The following RERE variants were observed in gnomAD, a reference collection of about 807,000 sequenced individuals.
The protein encoded by RERE is arginine-glutamic acid dipeptide repeats protein.
Under a neutral mutation model 146.1 loss-of-function variants are expected in RERE, and 40 were observed. That is an observed-to-expected ratio of 0.27 (90% CI 0.21 to 0.36). The LOEUF (loss-of-function observed/expected upper bound fraction) is 0.36, where lower values mean the gene tolerates loss of function less well. Among genes scored for constraint, RERE ranks in the 10% least tolerant of loss-of-function variants. The pLI is 1.00. For synonymous variants in RERE, 1,003 were observed against 866.0 expected, an observed-to-expected ratio of 1.16 and a Z score of -2.78; for missense variants, 1,933 against 2,138.7, an observed-to-expected ratio of 0.90 and a Z score of 1.90.
intron 8 of RERE, among the ~76,000 whole-genome samples, chr1:8,505,580 G>A (rs1645239746): frequency 6.6e-6 from 1 of 152,112 alleles, no homozygotes; most frequent in African/African-American, 2.4e-5. Flanking sequence ...CACCAGGCTG[G>A]AGTGCAATGG....
At chr1:8,398,140 TG>T (rs1643117939) in intron 12 of RERE, among the ~76,000 whole-genome samples, 1 of 152,216 alleles carries the variant, frequency 6.6e-6, no homozygotes, top group Non-Finnish European at 1.5e-5. Flanking sequence ...AGTTTAAAAA[TG>T]TAGAGCATTT....
In RERE at chr1:8,360,741, G is replaced by A. The variant is rs556444878; in HGVS notation, c.2766C>T (p.Pro922=). The A allele has an allele frequency of 3.1e-6, 5 of 1,598,608 alleles. No individual in the cohort carries two copies. The highest frequency in any genetic ancestry group is 4.3e-6 in the Non-Finnish European group (5 of 1,175,742). ...GGGGCTTGATGTGGGGCATGGCCAAGGGCGCTGGTGGCAGGGGCTGCTCCC... is the reference window on the plus strand; with the variant it reads ...GGGGCTTGATGTGGGGCATGGCCAAAGGCGCTGGTGGCAGGGGCTGCTCCC... The part of the protein sequence containing the change: ...PPREQPLPPA[P]LAMPHIKPPP... Residue 922 remains proline (P), a synonymous_variant, in exon 18 of 23, where the codon CCC becomes CCT. Coordinates refer to ENST00000400908, the MANE Select transcript of RERE (RefSeq NM_001042681.2).
chr1:8,365,286 G>C (rs1249632607), intron 13 of RERE, among the ~76,000 whole-genome samples: 3 of 152,218 alleles, frequency 2.0e-5, no homozygotes, highest in African/African-American at 7.2e-5. Context: ...GGCCAGGACA[G>C]AGCTATAAGG....
chr1:8,549,397 T>C (rs984993882), intron 6 of RERE, among the ~76,000 whole-genome samples: 1 of 152,018 alleles, frequency 6.6e-6, no homozygotes, highest in Non-Finnish European at 1.5e-5. Flanking sequence ...TAATAAATTA[T>C]AACAAAACAA....
chr1:8,786,955 C>G (rs558163845), intron 1 of RERE: 3 of 663,734 alleles, frequency 4.5e-6, no homozygotes, highest in South Asian at 3.5e-5. Flanking sequence ...TGGTAAAGAT[C>G]GCAGTCTAAC....
chr1:8,804,952 T>C (rs377087120), intron 1 of RERE, among the ~76,000 whole-genome samples: 3 of 152,208 alleles, frequency 2.0e-5, no homozygotes, highest in East Asian at 1.9e-4. Context: ...GAAAGAGTAC[T>C]ATATTTATTA....
At chr1:8,386,022 A>ATATTTTTTTT (rs1186333936) in intron 12 of RERE, among the ~76,000 whole-genome samples, 2 of 26,624 alleles carry the variant, frequency 7.5e-5, no homozygotes, top group Non-Finnish European at 1.2e-4. Flanking sequence ...ATATATATAT[A>ATATTTTTTTT]TTTTTTTTTT....
At chr1:8,696,363 A>G (rs1393235232) in intron 1 of RERE, among the ~76,000 whole-genome samples, 1 of 152,240 alleles carries the variant, frequency 6.6e-6, no homozygotes, top group African/African-American at 2.4e-5. Context: ...CTGTAATCCC[A>G]GCACTATGGG....
chr1:8,769,763 C>T (rs1640910634), intron 1 of RERE, among the ~76,000 whole-genome samples: 1 of 152,026 alleles, frequency 6.6e-6, no homozygotes, highest in East Asian at 1.9e-4. Flanking sequence ...AGACATGAGT[C>T]ACCACACCCA....
chr1:8,783,458 T>C (rs540994514), intron 1 of RERE, among the ~76,000 whole-genome samples: 29 of 152,324 alleles, frequency 1.9e-4, no homozygotes, highest in Admixed American at 1.9e-3. Flanking sequence ...ACATGAATTA[T>C]TATCATGATA....
chr1:8,619,257 C>G (rs1210594147), intron 3 of RERE, among the ~76,000 whole-genome samples: 1 of 152,126 alleles, frequency 6.6e-6, no homozygotes, highest in Admixed American at 6.5e-5. Flanking sequence ...ATGTCGAGCC[C>G]AGCTAACCAT....
At chr1:8,789,301 A>AAAATATATATAT in intron 1 of RERE, among the ~76,000 whole-genome samples, 1 of 24,826 alleles carries the variant, frequency 4.0e-5, no homozygotes, top group Non-Finnish European at 6.5e-5. Context: ...AAAAAAAAAA[A>AAAATATATATAT]ATATATATAT....
chr1:8,580,894 T>G lies in RERE; in HGVS notation c.523-23371A>C, dbSNP rs191362258. ...GTTTTTGTAGAGAAGAGGTGTCATT[T>G]CACTATGTTGCCAAGACTGATCTCG... On this transcript the variant is annotated intron_variant, in intron 4 of 22. Transcript: ENST00000400908. 1.1e-3 allele frequency among the ~76,000 whole-genome samples: 160 copies of G among 152,210 alleles called. 2 individuals are homozygous for G. The highest frequency in any genetic ancestry group is 3.6e-3 in the African/African-American group (148 of 41,538).
At chr1:8,609,449 A>G (rs1006492499) in intron 4 of RERE, among the ~76,000 whole-genome samples, 1 of 152,212 alleles carries the variant, frequency 6.6e-6, no homozygotes, top group African/African-American at 2.4e-5. Context: ...GATTAATCCC[A>G]ACATTTGTAT....
intron 4 of RERE, among the ~76,000 whole-genome samples, chr1:8,578,489 C>T (rs1408263658): frequency 6.6e-6 from 1 of 152,082 alleles, no homozygotes; most frequent in Non-Finnish European, 1.5e-5. Flanking sequence ...TAACTTTAAA[C>T]CTAAAGGCAG....
intron 9 of RERE, 148 bp from the exon 10 acceptor site, chr1:8,495,310 C>CTT: frequency 5.8e-6 from 3 of 514,180 alleles, no homozygotes; most frequent in Non-Finnish European, 1.0e-5. Flanking sequence ...GCCTCTGCTC[C>CTT]TATTTTTTTT....
rs371819253 is a variant in RERE at position 8,789,472 on chromosome 1, T to C, written c.-145+27688A>G. ...AGTGGCAGGAAGCAATTTTAACACG[T>C]CACACAGATGCACACATAACTCTTT... On this transcript the variant is annotated intron_variant, in intron 1 of 22. Transcript: ENST00000400908. 2.9e-3 allele frequency among the ~76,000 whole-genome samples: 437 copies of C among 151,380 alleles called. 3 individuals are homozygous for C. The highest frequency in any genetic ancestry group is 0.01 in the African/African-American group (417 of 41,184).
Position 8,364,753 on chromosome 1 carries a change from G to T in RERE, c.1533C>A (p.Phe511Leu). ...CGTGACGAGGCCACTTACTGGTGGTGAAGCAGTGGCGGCAGGCGTACCCCT... is the reference window on the plus strand; with the variant it reads ...CGTGACGAGGCCACTTACTGGTGGTTAAGCAGTGGCGGCAGGCGTACCCCT... The part of the protein sequence containing the change: ...ELKGYACRHC[F>L]TTTSKDWHHG... The change falls in exon 14 of 23, where the codon TTC becomes TTA. Residue 511 changes from phenylalanine to leucine, a missense_variant. Transcript: ENST00000400908. This position sits in a 1 kb window ranked among gnomAD's most constrained non-coding sequence, Gnocchi z 5.1. 1 of 1,612,856 alleles carries T rather than the reference G, an allele frequency of 6.2e-7. No individual in the cohort carries two copies. The highest frequency in any genetic ancestry group is 8.5e-7 in the Non-Finnish European group (1 of 1,178,864).
chr1:8,549,585 T>C (rs112658915), intron 6 of RERE, among the ~76,000 whole-genome samples: 3 of 152,310 alleles, frequency 2.0e-5, no homozygotes, highest in Admixed American at 1.3e-4. Context: ...AATCCACTGA[T>C]AGGTGCTTAA....
Sources: allele counts gnomAD v4.1 joint callset (sites outside exome capture counted in the v4.1 genomes callset), GRCh38; gene constraint gnomAD v4.1.1; non-coding constraint Gnocchi (gnomAD v3.1); transcripts MANE v1.5; gene names NCBI Gene and HGNC (gene_info 2026-07-23, HGNC 2026-07-21).